The following ADGRG1 variants were observed in gnomAD, a reference collection of about 807,000 sequenced individuals.
ADGRG1 encodes 7-transmembrane protein with no EGF-like N-terminal domains-1.
In ADGRG1, 53 loss-of-function variants were observed where a neutral mutation model predicts 73.5. The ratio of observed to expected loss-of-function variants is 0.72; its 90% CI spans 0.58 to 0.91. The LOEUF (loss-of-function observed/expected upper bound fraction) is 0.91, where lower values mean the gene tolerates loss of function less well. Ranked by LOEUF, ADGRG1 falls within the 40% of genes least tolerant of loss-of-function variation. ADGRG1 has a pLI of 0.00. For missense variants in ADGRG1, 795 were observed against 871.8 expected, an observed-to-expected ratio of 0.91 and a Z score of 1.11; for synonymous variants, 394 against 374.4, an observed-to-expected ratio of 1.05 and a Z score of -0.60.
At chr16:57,650,187 T>C (rs2043695202) in intron 1 of ADGRG1, 66 bp from the exon 2 acceptor site, 1 of 1,570,772 alleles carries the variant, frequency 6.4e-7, no homozygotes, top group Admixed American at 1.7e-5. Context: ...TGGCCTCCTC[T>C]TCTGCAGGGC....
intron 1 of ADGRG1, chr16:57,644,257 G>T: frequency 2.2e-6 from 2 of 891,862 alleles, no homozygotes; most frequent in African/African-American, 3.7e-5. Flanking sequence ...CACATGCACA[G>T]TCATGCACGG....
In ADGRG1 at chr16:57,654,102, TCCAGGAC is replaced by T. The variant is rs587776625; in HGVS notation, c.739_745del (p.Gln247CysfsTer74). 36 of 1,613,618 alleles carry T rather than the reference TCCAGGAC, an allele frequency of 2.2e-5. No homozygotes were observed. In the South Asian group the frequency reaches 4.0e-4, roughly 18 times the overall value. ...TGGAAGCTCCAGCCCACAGCCGGCC[TCCAGGAC>T]CTGCACATCCACTCCCGGCAGGAGG... On this transcript the variant is annotated frameshift_variant, in exon 5 of 14. Transcript: ENST00000562631. LOFTEE classifies it high-confidence loss of function.
intron 1 of ADGRG1, chr16:57,630,301 G>A: frequency 5.5e-6 from 5 of 908,492 alleles, no homozygotes; most frequent in Non-Finnish European, 6.6e-6. Flanking sequence ...AGCCCAGGCA[G>A]GGGTCCTGTT....
chr16:57,663,883 C>T lies in ADGRG1; in HGVS notation c.*301C>T, dbSNP rs1823479. 0.12 allele frequency: 60,535 copies of T among 489,280 alleles called. 4,144 individuals carry two copies. The highest frequency in any genetic ancestry group is 0.22 in the East Asian group (5,528 of 25,696). The allele number at this position is 489,280 out of a possible 1,614,324, so 30.3% of individuals were successfully genotyped here. A position where few individuals can be genotyped will look rare whatever the true frequency, so the allele number is the denominator to read the frequency against. ...CAGCTGGAGGCCTGGTCTCTCCTTA[C>T]AACCCCTGGGCCCAGCCCTCATTGC... On this transcript the variant is annotated 3_prime_UTR_variant, in exon 14 of 14. Transcript: ENST00000562631.
intron 1 of ADGRG1, among the ~76,000 whole-genome samples, chr16:57,632,622 C>T (rs141834766): frequency 1.2e-3 from 188 of 152,362 alleles, no homozygotes; most frequent in Non-Finnish European, 1.5e-3. Flanking sequence ...ACACCAGTGG[C>T]GCTCACTCAC....
intron 1 of ADGRG1, chr16:57,636,816 C>A (rs1437132917): frequency 2.2e-6 from 1 of 462,040 alleles, no homozygotes; most frequent in Non-Finnish European, 2.8e-6. Context: ...GGTGAGACAG[C>A]AAAGCTGAGC....
chr16:57,646,648 G>A (rs1328424238), intron 1 of ADGRG1: 6 of 985,272 alleles, frequency 6.1e-6, no homozygotes. Context: ...CCGGGGAGTT[G>A]GGAAGGATGT....
At chr16:57,632,403 ATCTGCT>A (rs2038204785) in intron 1 of ADGRG1, 23 of 807,620 alleles carry the variant, frequency 2.8e-5, no homozygotes, top group Non-Finnish European at 3.4e-5. Context: ...TCACAATCAC[ATCTGCT>A]TCAGAGGCTA....
chr16:57,660,191 C>G (rs554186009), intron 11 of ADGRG1: 3 of 943,428 alleles, frequency 3.2e-6, no homozygotes, highest in East Asian at 2.3e-4. Context: ...TGCCACAAGT[C>G]TGTTTGGACA....
At chr16:57,637,745 A>G (rs1597213460) in intron 1 of ADGRG1, 2 of 976,956 alleles carry the variant, frequency 2.0e-6, no homozygotes, top group Non-Finnish European at 2.4e-6. Flanking sequence ...GGGGCGGGGG[A>G]GAAGGGGAGT....
rs187261170 is a variant in ADGRG1, at chr16:57,645,545, A to G, written c.-35-4708A>G. 3.6e-3 allele frequency among the ~76,000 whole-genome samples: 546 copies of G among 152,242 alleles called. 1 individual carries two copies. Among genetic ancestry groups the G allele is most frequent in the Middle Eastern group, 6.8e-3 (2 of 294 alleles). On this transcript the variant is annotated intron_variant, in intron 1 of 13. Transcript: ENST00000562631. ...CCTGGCCCCGAGTCCAGGCCCTACC[A>G]TCTAGCAGCTGAGGGATGCGGGGCC...
In ADGRG1 at chr16:57,663,908, C is replaced by G. The variant is rs571683951; in HGVS notation, c.*326C>G. 23 of 434,288 alleles carry G rather than the reference C, an allele frequency of 5.3e-5. 1 individual carries two copies. Among genetic ancestry groups the G allele is most frequent in the South Asian group, 5.3e-4 (23 of 43,616 alleles). The allele number at this position is 434,288 out of a possible 1,614,324, so 26.9% of individuals were successfully genotyped here. On this transcript the variant is annotated 3_prime_UTR_variant, in exon 14 of 14. Coordinates refer to ENST00000562631, the MANE Select transcript of ADGRG1 (RefSeq NM_201525.4). ...CAACCCCTGGGCCCAGCCCTCATTG[C>G]TGGGGGCCAGGCCTTGGATCTTGAG...
chr16:57,624,823 T>A (rs1027666666), upstream of ADGRG1: 1 of 446,218 alleles, frequency 2.2e-6, no homozygotes, highest in Non-Finnish European at 3.0e-6. Flanking sequence ...TGCAGGCCCC[T>A]CTGAATAACA....
At chr16:57,636,709 C>T (rs1030347869) in intron 1 of ADGRG1, 6 of 984,808 alleles carry the variant, frequency 6.1e-6, no homozygotes, top group East Asian at 1.1e-4. Context: ...GTCCCAGCTC[C>T]GTCTCAGTCT....
intron 9 of ADGRG1, 45 bp downstream of exon 9, chr16:57,656,662 T>G: frequency 8.7e-7 from 1 of 1,151,486 alleles, no homozygotes; most frequent in South Asian, 1.2e-5. Context: ...CCAGGCCGTG[T>G]GCTTGTTCTG....
Position 57,661,923 on chromosome 16 carries a change from C to T in ADGRG1, c.1891C>T (p.Leu631Phe). The change falls in exon 13 of 14, where the codon CTT becomes TTT. Residue 631 changes from leucine to phenylalanine, a missense_variant. Transcript: ENST00000562631. ...CTCCTTTGCTTCTGGCACCTTCCAG[C>T]TTGTCGTCCTCTACCTTTTCAGCAT... The part of the protein sequence containing the change: ...FFSFASGTFQ[L>F]VVLYLFSIIT... 6.2e-7 allele frequency: 1 copy of T among 1,614,260 alleles called. No individual in the cohort carries two copies. Among genetic ancestry groups the T allele is most frequent in the South Asian group, 1.1e-5 (1 of 91,092 alleles).
chr16:57,642,509 G>A (rs935740), intron 1 of ADGRG1: 534,446 of 982,658 alleles, frequency 0.54, 147,987 homozygotes, highest in African/African-American at 0.82. Context: ...ACAGGTGTCC[G>A]TGCAAAAAAG....
chr16:57,624,056 C>A, upstream of ADGRG1: 1 of 316,118 alleles, frequency 3.2e-6, no homozygotes, highest in Non-Finnish European at 4.6e-6. Flanking sequence ...GGGCCTTTGG[C>A]ATTCATGTGG....
chr16:57,624,742 C>T (rs1341509719), upstream of ADGRG1: 1 of 982,150 alleles, frequency 1.0e-6, no homozygotes, highest in Non-Finnish European at 1.2e-6. Flanking sequence ...AACCCCTTAT[C>T]CCTGTCCTGA....
Sources: gnomAD v4.1 joint callset for allele counts (sites outside exome capture counted in the v4.1 genomes callset) on GRCh38, gnomAD v4.1.1 for gene constraint, MANE v1.5 for transcripts, NCBI Gene and HGNC (gene_info 2026-07-23, HGNC 2026-07-21) for gene names.